Variants in C8orf34 observed in about 807,000 individuals in gnomAD.
C8orf34 encodes chromosome 8 open reading frame 34.
In C8orf34, 65 loss-of-function variants were observed where a neutral mutation model predicts 68.3. The ratio of observed to expected loss-of-function variants is 0.95; its 90% CI spans 0.78 to 1.17. The LOEUF (loss-of-function observed/expected upper bound fraction) is 1.17, where lower values mean the gene tolerates loss of function less well. Ranked by LOEUF, C8orf34 falls within the 50% of genes most tolerant of loss-of-function variation. The probability of loss-of-function intolerance (pLI) is 0.00; values close to 1 mark genes in which losing one functional copy is unlikely to be tolerated. For synonymous variants in C8orf34, 244 were observed against 241.2 expected, an observed-to-expected ratio of 1.01 and a Z score of -0.11; for missense variants, 664 against 655.4, an observed-to-expected ratio of 1.01 and a Z score of -0.14.
At chr8:68,578,986 A>G (rs181466959) in intron 7 of C8orf34, among the ~76,000 whole-genome samples, 1 of 152,248 alleles carries the variant, frequency 6.6e-6, no homozygotes, top group African/African-American at 2.4e-5. Flanking sequence ...AAGGCTCAAC[A>G]CAGCACAACT....
At chr8:68,576,346 T>C (rs963097148) in intron 7 of C8orf34, among the ~76,000 whole-genome samples, 11 of 148,912 alleles carry the variant, frequency 7.4e-5, no homozygotes, top group African/African-American at 2.9e-4. Flanking sequence ...ACAATAAACG[T>C]ATTCAGCTAA....
At chr8:68,800,485 T>C (rs374450234) in intron 12 of C8orf34, among the ~76,000 whole-genome samples, 2 of 152,212 alleles carry the variant, frequency 1.3e-5, no homozygotes, top group Admixed American at 1.3e-4. Context: ...TTTTAAAACT[T>C]TGCTTTTACT....
intron 1 of C8orf34, among the ~76,000 whole-genome samples, chr8:68,382,877 A>G (rs1237028625): frequency 6.6e-6 from 1 of 152,156 alleles, no homozygotes; most frequent in Non-Finnish European, 1.5e-5. Context: ...TATTTATATC[A>G]TATCTTCTGA....
intron 13 of C8orf34, among the ~76,000 whole-genome samples, chr8:68,816,321 T>C (rs949683847): frequency 2.6e-5 from 4 of 152,184 alleles, no homozygotes; most frequent in African/African-American, 9.7e-5. Flanking sequence ...CCATGGACTC[T>C]ATGATGCTAT....
At chr8:68,604,027 A>C (rs1362534348) in intron 7 of C8orf34, among the ~76,000 whole-genome samples, 1 of 152,200 alleles carries the variant, frequency 6.6e-6, no homozygotes, top group Non-Finnish European at 1.5e-5. Context: ...TACAAAATTA[A>C]AGTTTGCCTT....
chr8:68,775,435 C>A (rs778701088), intron 10 of C8orf34, among the ~76,000 whole-genome samples: 1 of 152,028 alleles, frequency 6.6e-6, no homozygotes, highest in Non-Finnish European at 1.5e-5. Flanking sequence ...ATTTTGACCA[C>A]CAATGTTTAG....
At chr8:68,738,568 C>T (rs1163678244) in intron 10 of C8orf34, among the ~76,000 whole-genome samples, 1 of 150,892 alleles carries the variant, frequency 6.6e-6, no homozygotes. Flanking sequence ...AGAAAAGAGA[C>T]CCAAACAAAC....
chr8:68,767,712 T>A (rs1823221463), intron 10 of C8orf34, among the ~76,000 whole-genome samples: 1 of 152,188 alleles, frequency 6.6e-6, no homozygotes, highest in Non-Finnish European at 1.5e-5. Flanking sequence ...TAACTCACTG[T>A]AACTTTGAAC....
intron 12 of C8orf34, among the ~76,000 whole-genome samples, chr8:68,794,505 A>ATATATATATATAT (rs1313909362): frequency 6.4e-5 from 4 of 62,252 alleles, no homozygotes; most frequent in African/African-American, 4.9e-4. Context: ...ATATATATAT[A>ATATATATATATAT]TTTTTTTTTT....
At chr8:68,333,626 A>G (rs927538551) in intron 1 of C8orf34, among the ~76,000 whole-genome samples, 1 of 152,174 alleles carries the variant, frequency 6.6e-6, no homozygotes, top group South Asian at 2.1e-4. Context: ...GACATTGTTG[A>G]CCTAGAGACC....
intron 12 of C8orf34, among the ~76,000 whole-genome samples, chr8:68,797,313 C>T (rs1264454214): frequency 1.3e-5 from 2 of 152,106 alleles, no homozygotes; most frequent in Non-Finnish European, 2.9e-5. Flanking sequence ...GACTGTGGAC[C>T]TGTTCATGTC....
intron 7 of C8orf34, among the ~76,000 whole-genome samples, chr8:68,556,955 T>C (rs1816275478): frequency 6.6e-6 from 1 of 152,226 alleles, no homozygotes; most frequent in Admixed American, 6.5e-5. Context: ...ATGCTTATAA[T>C]AAATTTTTTT....
intron 7 of C8orf34, chr8:68,534,806 C>T: frequency 1.0e-6 from 1 of 985,360 alleles, no homozygotes; most frequent in Non-Finnish European, 1.2e-6. Flanking sequence ...TGCTGGTACT[C>T]CCTAGATCTC....
chr8:68,664,391 G>A (rs1395152855), intron 8 of C8orf34, among the ~76,000 whole-genome samples: 1 of 152,172 alleles, frequency 6.6e-6, no homozygotes, highest in African/African-American at 2.4e-5. Flanking sequence ...AGTTAGTCAT[G>A]CTAGGCCTCC....
chr8:68,662,295 T>C (rs1371249768), intron 8 of C8orf34, among the ~76,000 whole-genome samples: 1 of 152,204 alleles, frequency 6.6e-6, no homozygotes, highest in Non-Finnish European at 1.5e-5. Context: ...TTTAGTCTCC[T>C]CTGCTATGAT....
At chr8:68,436,524 G>A (rs908340803) in intron 1 of C8orf34, among the ~76,000 whole-genome samples, 1 of 152,020 alleles carries the variant, frequency 6.6e-6, no homozygotes, top group African/African-American at 2.4e-5. Context: ...TTATCACTTT[G>A]TTGTTCTATT....
chr8:68,429,397 GT>G (rs1810361025), intron 1 of C8orf34, among the ~76,000 whole-genome samples: 1 of 152,222 alleles, frequency 6.6e-6, no homozygotes, highest in Non-Finnish European at 1.5e-5. Flanking sequence ...GTGACAACAT[GT>G]TGGTGAAGAT....
At chr8:68,714,202 T>C (rs966800964) in intron 9 of C8orf34, among the ~76,000 whole-genome samples, 1 of 152,058 alleles carries the variant, frequency 6.6e-6, no homozygotes, top group Non-Finnish European at 1.5e-5. Context: ...AGGGAAAAAT[T>C]GAAAGCATTC....
intron 1 of C8orf34, among the ~76,000 whole-genome samples, chr8:68,371,257 T>G (rs1302226244): frequency 6.6e-6 from 1 of 152,202 alleles, no homozygotes; most frequent in Non-Finnish European, 1.5e-5. Flanking sequence ...GAATTCAAAT[T>G]TCATTGTAAT....
Sources: gnomAD v4.1 joint callset for allele counts (sites outside exome capture counted in the v4.1 genomes callset) on GRCh38, gnomAD v4.1.1 for gene constraint, MANE v1.5 for transcripts, NCBI Gene and HGNC (gene_info 2026-07-23, HGNC 2026-07-21) for gene names.